Variants in JMJD1C observed in about 807,000 individuals in gnomAD.
JMJD1C encodes the protein jumonji domain containing 1C.
A neutral mutation model predicts 245.3 loss-of-function variants in JMJD1C; 31 were observed. The observed-to-expected ratio is 0.13, with a 90% confidence interval of 0.09 to 0.17. The LOEUF (loss-of-function observed/expected upper bound fraction) is 0.17, where lower values mean the gene tolerates loss of function less well. Ranked by LOEUF, JMJD1C falls within the 10% of genes least tolerant of loss-of-function variation. JMJD1C has a pLI of 1.00. For missense variants in JMJD1C, 2,691 were observed against 3,000.2 expected (o/e 0.90, Z 2.41); for synonymous variants, 1,057 against 1,017.4 (o/e 1.04, Z -0.74).
chr10:63,200,353 TC>T, intron 11 of JMJD1C, 122 bp downstream of exon 11: 1 of 703,284 alleles, frequency 1.4e-6, no homozygotes, highest in Non-Finnish European at 2.4e-6. Context: ...TTATAATGTT[TC>T]CAAAACATGG....
chr10:63,477,343 A>C (rs1953693789), intron 1 of JMJD1C, among the ~76,000 whole-genome samples: 1 of 152,148 alleles, frequency 6.6e-6, no homozygotes, highest in Non-Finnish European at 1.5e-5. Flanking sequence ...TCTTATATTA[A>C]GTCTTACTAT....
At chr10:63,173,584 TGGTGGTGTCCATCTACA>T (rs1173189256) in intron 24 of JMJD1C, among the ~76,000 whole-genome samples, 7 of 152,222 alleles carry the variant, frequency 4.6e-5, no homozygotes, top group African/African-American at 1.7e-4. Context: ...CAGCTGGGCA[TGGTGGTGTCCATCTACA>T]GTACTAGCTA....
intron 3 of JMJD1C, among the ~76,000 whole-genome samples, chr10:63,260,296 G>C (rs1403099624): frequency 6.6e-6 from 1 of 152,158 alleles, no homozygotes; most frequent in Non-Finnish European, 1.5e-5. Context: ...GACCAAGCCA[G>C]GTTAGTTGGT....
chr10:63,239,221 T>C (rs750632614), intron 3 of JMJD1C, among the ~76,000 whole-genome samples: 6 of 152,098 alleles, frequency 3.9e-5, no homozygotes, highest in Admixed American at 2.0e-4. Flanking sequence ...ATATGGAATA[T>C]AGGGACAAGT....
intron 1 of JMJD1C, among the ~76,000 whole-genome samples, chr10:63,462,074 G>C (rs1335608324): frequency 6.6e-6 from 1 of 152,048 alleles, no homozygotes; most frequent in East Asian, 1.9e-4. Context: ...CAGTAATGGG[G>C]CTAAAAAAGA....
chr10:63,302,047 C>T (rs1860156224), intron 2 of JMJD1C, among the ~76,000 whole-genome samples: 1 of 152,104 alleles, frequency 6.6e-6, no homozygotes, highest in African/African-American at 2.4e-5. Context: ...GACAAGGTCT[C>T]GCTCTGTTGC....
At chr10:63,437,981 T>C (rs929402732) in intron 1 of JMJD1C, among the ~76,000 whole-genome samples, 1 of 152,312 alleles carries the variant, frequency 6.6e-6, no homozygotes, top group Admixed American at 6.5e-5. Context: ...GTATGTTCTA[T>C]ATTCACTCTC....
At chr10:63,283,461 A>G (rs10740110) in intron 2 of JMJD1C, among the ~76,000 whole-genome samples, 127,924 of 151,432 alleles carry the variant, frequency 0.84, 54,550 homozygotes, top group African/African-American at 0.91. Context: ...CCGCTTCCCA[A>G]GTTTGAACGA....
intron 8 of JMJD1C, among the ~76,000 whole-genome samples, 167 bp downstream of exon 8, chr10:63,213,306 G>C (rs879819069): frequency 6.6e-6 from 1 of 151,686 alleles, no homozygotes; most frequent in Non-Finnish European, 1.5e-5. Context: ...CTTTTCTGAC[G>C]TTTCAGCTCC....
chr10:63,362,005 G>A (rs1230632223), intron 2 of JMJD1C, among the ~76,000 whole-genome samples: 1 of 151,900 alleles, frequency 6.6e-6, no homozygotes, highest in Non-Finnish European at 1.5e-5. Context: ...AGGCCGAGGC[G>A]GGTGGATCAC....
chr10:63,380,106 T>C (rs1286746745), intron 2 of JMJD1C: 1 of 46,314 alleles, frequency 2.2e-5, no homozygotes, highest in Non-Finnish European at 5.6e-5. Context: ...CATCCAGCTA[T>C]TTTTTTTTTT....
chr10:63,497,679 T>C (rs181662508), intron 1 of JMJD1C, among the ~76,000 whole-genome samples: 81 of 152,304 alleles, frequency 5.3e-4, no homozygotes, highest in African/African-American at 1.9e-3. Flanking sequence ...TAAAAGTCTA[T>C]GAATGAATGG....
At chr10:63,232,343 A>G (rs1168109835) in intron 3 of JMJD1C, among the ~76,000 whole-genome samples, 2 of 152,236 alleles carry the variant, frequency 1.3e-5, no homozygotes, top group African/African-American at 4.8e-5. Context: ...AATTTTATTA[A>G]GCCCATGAAT....
In JMJD1C at chr10:63,489,142, G is replaced by A. The variant is rs979316173; in HGVS notation, n.113+32596C>T. On this transcript the variant is annotated intron_variant and non_coding_transcript_variant, in intron 1 of 3. Coordinates refer to the JMJD1C transcript ENST00000633035. ...AGGCCGGGCGCAGTGGCTCACGCCT[G>A]TAATCCCAGCACTTTGGGAGGCTGA... Among the ~76,000 whole-genome samples the A allele has an allele frequency of 3.3e-5, 5 of 152,342 alleles. 1 individual carries two copies. The highest frequency in any genetic ancestry group is 4.1e-4 in the South Asian group (2 of 4,832).
At chr10:63,383,728 C>T (rs1947384574) in intron 1 of JMJD1C, among the ~76,000 whole-genome samples, 1 of 152,024 alleles carries the variant, frequency 6.6e-6, no homozygotes, top group Non-Finnish European at 1.5e-5. Context: ...ACAATGTACA[C>T]ACTTTAACTT....
rs137939776 is a variant in JMJD1C, at chr10:63,311,219, A to C, written c.334-46455T>G. Among the ~76,000 whole-genome samples the C allele has an allele frequency of 6.6e-3, 1,008 of 151,864 alleles. 4 individuals carry two copies. Among genetic ancestry groups the C allele is most frequent in the Non-Finnish European group, 1.0e-2 (677 of 67,930 alleles). On this transcript the variant is annotated intron_variant, in intron 2 of 25. Transcript: ENST00000399262. ...AACCCCGGCTCTATTAAAAAAAAAA[A>C]AAAAAACAAATTAGCTAAGTGTGGT...
At chr10:63,405,182 T>C (rs1308679759) in intron 1 of JMJD1C, among the ~76,000 whole-genome samples, 1 of 152,214 alleles carries the variant, frequency 6.6e-6, no homozygotes, top group African/African-American at 2.4e-5. Flanking sequence ...AATTAAATCC[T>C]ATAAAGTAGG....
intron 12 of JMJD1C, 116 bp from the exon 13 acceptor site, chr10:63,197,679 A>G (rs1241729399): frequency 1.3e-5 from 11 of 836,944 alleles, no homozygotes; most frequent in South Asian, 4.4e-5. Flanking sequence ...TTTCAAGGCT[A>G]TATTAACTGA....
chr10:63,316,756 T>C (rs577559413), intron 2 of JMJD1C, among the ~76,000 whole-genome samples: 70 of 152,318 alleles, frequency 4.6e-4, no homozygotes, highest in African/African-American at 1.6e-3. Context: ...CCAATATTCA[T>C]ACATTTTTAT....
Sources: gnomAD v4.1 joint callset for allele counts (sites outside exome capture counted in the v4.1 genomes callset) on GRCh38, gnomAD v4.1.1 for gene constraint, MANE v1.5 for transcripts, NCBI Gene and HGNC (gene_info 2026-07-23, HGNC 2026-07-21) for gene names.